Variants in PRR14L observed in about 807,000 individuals in gnomAD.
PRR14L encodes the protein protein PRR14L.
In PRR14L, 80 loss-of-function variants were observed where a neutral mutation model predicts 155.0. That is an observed-to-expected ratio of 0.52 (90% confidence interval 0.43 to 0.62). The LOEUF (loss-of-function observed/expected upper bound fraction) is 0.62. Ranked by LOEUF, PRR14L falls within the 20% of genes least tolerant of loss-of-function variation. The pLI is 0.00. For synonymous variants in PRR14L, 883 were observed against 916.0 expected (o/e 0.96, Z 0.65); for missense variants, 2,469 against 2,548.0 (o/e 0.97, Z 0.67).
chr22:31,681,506 A>T lies in PRR14L; in HGVS notation c.*4021T>A, dbSNP rs756080567. 2.0e-5 allele frequency: 3 copies of T among 152,192 alleles called. No homozygotes were observed. Among genetic ancestry groups the T allele is most frequent in the South Asian group, 4.1e-4 (2 of 4,828 alleles). The allele number at this position is 152,192 out of a possible 1,614,324, so 9.4% of individuals were successfully genotyped here. On this transcript the variant is annotated 3_prime_UTR_variant, in exon 9 of 9. Coordinates refer to ENST00000327423, the MANE Select transcript of PRR14L (RefSeq NM_173566.3). ...ATTTCATTGAACTACTGACCATGATAATATATAAACATGTCAGGCAGCTAT... is the reference window on the plus strand; with the variant it reads ...ATTTCATTGAACTACTGACCATGATTATATATAAACATGTCAGGCAGCTAT...
chr22:31,741,030 G>T (rs2147877314), intron 1 of PRR14L, among the ~76,000 whole-genome samples: 1 of 151,948 alleles, frequency 6.6e-6, no homozygotes, highest in South Asian at 2.1e-4. Context: ...GAGAGGGGCG[G>T]ATCACGAGGT....
intron 2 of PRR14L, among the ~76,000 whole-genome samples, chr22:31,732,415 C>T (rs1310355695): frequency 6.6e-6 from 1 of 152,170 alleles, no homozygotes; most frequent in Admixed American, 6.5e-5. Flanking sequence ...ATGCTAAACA[C>T]CTGCTTTCCT....
chr22:31,715,351 G>A lies in PRR14L; in HGVS notation c.2488C>T (p.His830Tyr), dbSNP rs907623733. The A allele has an allele frequency of 1.9e-6, 3 of 1,552,084 alleles. No individual in the cohort carries two copies. The highest frequency in any genetic ancestry group is 2.6e-6 in the Non-Finnish European group (3 of 1,147,078). Residue 830 changes from histidine (H) to tyrosine (Y), a missense_variant, in exon 4 of 9, where the codon CAC becomes TAC. His to Tyr is a moderately conservative substitution (Grantham distance 83). Transcript: ENST00000327423. The stretch of plus-strand genomic sequence containing the variant: ...GTTCCTTGGCAGCAGTGATCACGGT[G>A]CTGAAATGCATTTTCATATTTTGTT... The part of the protein sequence containing the change: ...LITKYENAFQ[H>Y]RDHCCQGTGH...
At chr22:31,703,797 A>ATT (rs879065402) in intron 5 of PRR14L, 76 bp from the exon 6 acceptor site, 6,626 of 653,980 alleles carry the variant, frequency 0.01, no homozygotes, top group South Asian at 0.023. Context: ...CTTCTTCTTC[A>ATT]TTTTTTTTTT....
chr22:31,713,623 T>A lies in PRR14L; in HGVS notation c.4216A>T (p.Ile1406Leu), dbSNP rs967791904. 5 of 1,551,956 alleles carry A rather than the reference T, an allele frequency of 3.2e-6. No homozygotes were observed. The highest frequency in any genetic ancestry group is 4.4e-6 in the Non-Finnish European group (5 of 1,147,056). Residue 1406 changes from isoleucine to leucine, a missense_variant, in exon 4 of 9, where the codon ATA (isoleucine) becomes TTA (leucine). Around this residue, in one of 2 missense-constraint regions of PRR14L, gnomAD observed 2,363 missense variants for 2,371.6 expected, o/e 1.00. Transcript: ENST00000327423. ...DYMLQKEEKY[I>L]RQQKAHTISQ... ...ATCGTATGTGCTTTTTGTTGACGTA[T>A]ATATTTCTCTTCTTTCTGCAACATG...
intron 3 of PRR14L, 78 bp from the exon 4 acceptor site, chr22:31,717,369 C>T (rs553144182): frequency 8.6e-7 from 1 of 1,168,650 alleles, no homozygotes; most frequent in East Asian, 2.6e-5. Flanking sequence ...TTTTATTATG[C>T]TATGCTACCA....
At chr22:31,739,795 A>C (rs1345977077) in intron 1 of PRR14L, among the ~76,000 whole-genome samples, 2 of 152,210 alleles carry the variant, frequency 1.3e-5, no homozygotes, top group South Asian at 4.1e-4. Flanking sequence ...TTATTTGCTG[A>C]AACACTTATA....
chr22:31,705,492 G>A (rs180726524), intron 4 of PRR14L, among the ~76,000 whole-genome samples: 277 of 151,988 alleles, frequency 1.8e-3, no homozygotes, highest in African/African-American at 6.4e-3. Context: ...TTCTGCCTCA[G>A]CCTCCCAAGT....
In PRR14L at chr22:31,726,961, T is replaced by C. The variant is rs1461729171; in HGVS notation, c.475-1351A>G. 3.3e-5 allele frequency among the ~76,000 whole-genome samples: 5 copies of C among 152,342 alleles called. No homozygotes were observed. The East Asian group carries it at 9.6e-4, about 29-fold the overall frequency. Reference sequence around the variant, plus strand: ...TCACGGACAGATTCTGGCACGTTTCTGGAATGACTTCCATAAGCTTTTCCA... The same window carrying C: ...TCACGGACAGATTCTGGCACGTTTCCGGAATGACTTCCATAAGCTTTTCCA... On this transcript the variant is annotated intron_variant, in intron 2 of 8. Coordinates refer to ENST00000327423, the MANE Select transcript of PRR14L (RefSeq NM_173566.3).
At chr22:31,710,099 CCTGA>C (rs1445620102) in intron 4 of PRR14L, among the ~76,000 whole-genome samples, 2 of 152,094 alleles carry the variant, frequency 1.3e-5, no homozygotes, top group East Asian at 1.9e-4. Context: ...CACCACTATG[CCTGA>C]CTAATTTTTG....
Position 31,738,697 on chromosome 22 carries a change from G to A in PRR14L, c.164C>T (p.Ser55Phe). The A allele has an allele frequency of 6.4e-7, 1 of 1,551,942 alleles. No individual in the cohort carries two copies. The highest frequency in any genetic ancestry group is 8.7e-7 in the Non-Finnish European group (1 of 1,147,056). Reference protein sequence around the residue: ...IPDVKPGASSSLLSQNRALPL... With the variant: ...IPDVKPGASSFLLSQNRALPL... Reference sequence around the variant, plus strand: ...CAATGCCCTATTCTGACTTAAAAGAGAGCTTGAGGCTCCAGGTTTTACATC... The same window carrying A: ...CAATGCCCTATTCTGACTTAAAAGAAAGCTTGAGGCTCCAGGTTTTACATC... The change falls in exon 2 of 9, where the codon TCT (serine) becomes TTT (phenylalanine). Residue 55 changes from serine (S) to phenylalanine (F), a missense_variant. By Grantham distance (155) the Ser-to-Phe change is radical. Transcript: ENST00000327423.
chr22:31,729,777 T>C (rs2074737751), intron 2 of PRR14L, among the ~76,000 whole-genome samples: 1 of 152,166 alleles, frequency 6.6e-6, no homozygotes, highest in African/African-American at 2.4e-5. Context: ...TGAGTTACTA[T>C]TTAATGCGTA....
Position 31,712,197 on chromosome 22 carries a change from A to G in PRR14L, c.5642T>C (p.Val1881Ala). The change falls in exon 4 of 9, where the codon GTG (valine) becomes GCG (alanine). Residue 1881 changes from valine to alanine, a missense_variant. Physicochemically the swap from Val to Ala is moderately conservative, Grantham distance 64 (BLOSUM62 0). Transcript: ENST00000327423. ...GCTCCAAATGGATAGGACTCTGCCC[A>G]CCGAGTAGGGCAGAGAACAGAAGAC... ...DKVFCSLPYS[V>A]GRVLSIWSQH... The G allele has an allele frequency of 6.2e-7, 1 of 1,613,942 alleles. No homozygotes were observed. The highest frequency in any genetic ancestry group is 8.5e-7 in the Non-Finnish European group (1 of 1,179,794).
At chr22:31,732,390 A>G (rs2074755033) in intron 2 of PRR14L, among the ~76,000 whole-genome samples, 1 of 152,128 alleles carries the variant, frequency 6.6e-6, no homozygotes, top group Non-Finnish European at 1.5e-5. Context: ...CTGTGCCTAC[A>G]CTATAACGTG....
chr22:31,710,354 T>C (rs750760360), intron 4 of PRR14L, among the ~76,000 whole-genome samples: 4 of 152,228 alleles, frequency 2.6e-5, no homozygotes, highest in Non-Finnish European at 5.9e-5. Flanking sequence ...GTCTAATTTG[T>C]CAAATACAGC....
chr22:31,711,408 T>G (rs2074621241), intron 4 of PRR14L, among the ~76,000 whole-genome samples: 1 of 151,968 alleles, frequency 6.6e-6, no homozygotes, highest in Non-Finnish European at 1.5e-5. Flanking sequence ...GAGGCAGAAG[T>G]TGTGGTCAGC....
chr22:31,749,227 G>A (rs543701701), intron 1 of PRR14L, among the ~76,000 whole-genome samples: 22 of 152,254 alleles, frequency 1.4e-4, no homozygotes, highest in African/African-American at 5.3e-4. Context: ...AAGACGTTAA[G>A]TGAGAGACCC....
chr22:31,727,996 A>G (rs527805416), intron 2 of PRR14L, among the ~76,000 whole-genome samples: 2 of 151,610 alleles, frequency 1.3e-5, no homozygotes, highest in African/African-American at 4.8e-5. Flanking sequence ...AAAAAAAAAG[A>G]AAAGAAATTG....
chr22:31,731,392 G>A (rs1041968830), intron 2 of PRR14L, among the ~76,000 whole-genome samples: 6 of 151,592 alleles, frequency 4.0e-5, no homozygotes, highest in Admixed American at 6.6e-5. Context: ...GTGAAACCCC[G>A]TCTCTACTAA....
Sources: allele counts gnomAD v4.1 joint callset (sites outside exome capture counted in the v4.1 genomes callset), GRCh38; gene constraint gnomAD v4.1.1; regional missense constraint gnomAD v4.1.1; transcripts MANE v1.5; gene names NCBI Gene and HGNC (gene_info 2026-07-23, HGNC 2026-07-21).